The following CYP20A1 variants were observed in gnomAD, a reference collection of about 807,000 sequenced individuals.
The protein encoded by CYP20A1 is cytochrome P450 20A1.
Under a neutral mutation model 61.4 loss-of-function variants are expected in CYP20A1, and 61 were observed. The ratio of observed to expected loss-of-function variants is 0.99; its 90% CI spans 0.81 to 1.23. The LOEUF (loss-of-function observed/expected upper bound fraction) is 1.23. CYP20A1 is among the 50% of genes most tolerant of loss of function. The pLI is 0.00. For synonymous variants in CYP20A1, 193 were observed against 188.2 expected (o/e 1.03, Z -0.21); for missense variants, 530 against 542.4 (o/e 0.98, Z 0.23).
At chr2:203,284,879 G>T (rs2152101805) in intron 8 of CYP20A1, among the ~76,000 whole-genome samples, 1 of 151,490 alleles carries the variant, frequency 6.6e-6, no homozygotes, top group South Asian at 2.1e-4. Flanking sequence ...CCAAGTAGCT[G>T]GGACTATAGG....
At chr2:203,247,780 CT>C (rs1188872782) in intron 3 of CYP20A1, among the ~76,000 whole-genome samples, 2 of 151,946 alleles carry the variant, frequency 1.3e-5, no homozygotes, top group Admixed American at 6.6e-5. Context: ...TTGCTTGAAC[CT>C]GGGAGGCAGA....
intron 4 of CYP20A1, among the ~76,000 whole-genome samples, chr2:203,254,948 G>C (rs552341361): frequency 6.6e-6 from 1 of 150,740 alleles, no homozygotes; most frequent in Non-Finnish European, 1.5e-5. Context: ...CCAAGATTGC[G>C]CCACTGCACT....
chr2:203,289,859 T>A lies in CYP20A1; in HGVS notation c.1066T>A (p.Phe356Ile). 6.4e-7 allele frequency: 1 copy of A among 1,570,252 alleles called. No individual in the cohort carries two copies. Among genetic ancestry groups the A allele is most frequent in the South Asian group, 1.2e-5 (1 of 86,732 alleles). The change falls in exon 10 of 13, where the codon TTT becomes ATT. Residue 356 changes from phenylalanine to isoleucine, a missense_variant. By Grantham distance (21) the Phe-to-Ile change is conservative. Coordinates refer to ENST00000356079, the MANE Select transcript of CYP20A1 (RefSeq NM_177538.3). ...AGATATTGAAGGAAAAATTGACCGA[T>A]TTATTATTCCTAGAGAGGTAGAAAA... The part of the protein sequence containing the change: ...LQDIEGKIDR[F>I]IIPRETLVLY...
intron 1 of CYP20A1, among the ~76,000 whole-genome samples, chr2:203,243,277 G>A (rs1004381550): frequency 1.1e-4 from 17 of 152,124 alleles, no homozygotes; most frequent in Admixed American, 1.0e-3. Flanking sequence ...CCGAGAAGCT[G>A]AGAGTACAGG....
chr2:203,295,246 A>C (rs765207961), intron 11 of CYP20A1, among the ~76,000 whole-genome samples: 1 of 151,540 alleles, frequency 6.6e-6, no homozygotes, highest in East Asian at 2.0e-4. Flanking sequence ...CGCCTGGCCA[A>C]AAATTTTTAA....
chr2:203,270,615 T>C (rs2067522741), intron 5 of CYP20A1, among the ~76,000 whole-genome samples: 1 of 152,100 alleles, frequency 6.6e-6, no homozygotes, highest in East Asian at 1.9e-4. Context: ...CAAATGTTAC[T>C]GTTTTTATGT....
In CYP20A1 at chr2:203,298,984, G is replaced by A. The variant is rs1239522534; in HGVS notation, c.*2076G>A. The stretch of plus-strand genomic sequence containing the variant: ...TGGGAGGCGGAGGTTGCAGTGAGCT[G>A]ATGTTGTGCTAGTGCACTCCAGCCT... On this transcript the variant is annotated 3_prime_UTR_variant, in exon 13 of 13. Transcript: ENST00000356079. 6.6e-6 allele frequency among the ~76,000 whole-genome samples: 1 copy of A among 151,868 alleles called. No homozygotes were observed. The highest frequency in any genetic ancestry group is 1.5e-5 in the Non-Finnish European group (1 of 67,946).
At position 203,304,489 on chromosome 2, in the gene CYP20A1, G is replaced by T; in HGVS notation, c.*7581G>T. On this transcript the variant is annotated 3_prime_UTR_variant, in exon 13 of 13. Transcript: ENST00000356079. The stretch of plus-strand genomic sequence containing the variant: ...TGGGATTACAGGTGTGAGCCACAGC[G>T]CCCGGCCAAAAAAAGGAATTTTTAA... Among the ~76,000 whole-genome samples, 1 of 151,978 alleles carries T rather than the reference G, an allele frequency of 6.6e-6. No homozygotes were observed. Among genetic ancestry groups the T allele is most frequent in the Non-Finnish European group, 1.5e-5 (1 of 67,998 alleles).
chr2:203,261,627 G>A (rs1186798225), intron 4 of CYP20A1, among the ~76,000 whole-genome samples: 11 of 141,236 alleles, frequency 7.8e-5, no homozygotes, highest in Non-Finnish European at 1.1e-4. Flanking sequence ...AAAAAAAAAG[G>A]AATAGCAGAT....
At chr2:203,287,215 CA>C (rs1168549640) in intron 9 of CYP20A1, among the ~76,000 whole-genome samples, 2,090 of 47,054 alleles carry the variant, frequency 0.044, 16 homozygotes, top group African/African-American at 0.17. Flanking sequence ...GACCCTATCT[CA>C]AAAAAAAAAA....
intron 3 of CYP20A1, 52 bp from the exon 4 acceptor site, chr2:203,251,915 A>G (rs1266601367): frequency 1.4e-6 from 2 of 1,396,402 alleles, no homozygotes; most frequent in Non-Finnish European, 1.9e-6. Flanking sequence ...CTTACAGGGT[A>G]TCTTTTTGAG....
chr2:203,282,182 C>T (rs949730537), intron 8 of CYP20A1, among the ~76,000 whole-genome samples: 2 of 151,852 alleles, frequency 1.3e-5, no homozygotes, highest in South Asian at 2.1e-4. Context: ...GGATTACAGG[C>T]GCCTGCAACT....
chr2:203,244,732 CT>C (rs35996822), intron 1 of CYP20A1, among the ~76,000 whole-genome samples: 53,783 of 122,860 alleles, frequency 0.44, 10,876 homozygotes, highest in African/African-American at 0.59. Flanking sequence ...TGAAATAATT[CT>C]TTTTTTTTTT....
At position 203,280,088 on chromosome 2, in the gene CYP20A1, G is replaced by A. The variant is rs1444541985; in HGVS notation, c.825G>A (p.Leu275=). The change falls in exon 8 of 13, where the codon CTG becomes CTA. Residue 275 remains leucine (L), a synonymous_variant. Coordinates refer to ENST00000356079, the MANE Select transcript of CYP20A1 (RefSeq NM_177538.3). ...TAGAAGACAGTATGATATTTTCTCTGGCCAGTTGCATAATAACTGCAAAAT... is the reference window on the plus strand; with the variant it reads ...TAGAAGACAGTATGATATTTTCTCTAGCCAGTTGCATAATAACTGCAAAAT... ...QILEDSMIFS[L]ASCIITAKLC... is the part of the protein sequence containing the mutation. The A allele has an allele frequency of 6.2e-7, 1 of 1,606,190 alleles. No homozygotes were observed.
intron 9 of CYP20A1, among the ~76,000 whole-genome samples, chr2:203,289,035 G>C (rs551027073): frequency 6.6e-6 from 1 of 152,076 alleles, no homozygotes; most frequent in Non-Finnish European, 1.5e-5. Context: ...GCTTCTGAAA[G>C]GTTTTACCAG....
chr2:203,291,758 A>G (rs560439907), intron 10 of CYP20A1, among the ~76,000 whole-genome samples: 1 of 151,830 alleles, frequency 6.6e-6, no homozygotes, highest in African/African-American at 2.4e-5. Context: ...TACATGTGCC[A>G]TGTTGGTGTG....
At chr2:203,244,732 CTTTT>C (rs35996822) in intron 1 of CYP20A1, among the ~76,000 whole-genome samples, 14 of 123,186 alleles carry the variant, frequency 1.1e-4, no homozygotes, top group Non-Finnish European at 8.5e-5. Context: ...TGAAATAATT[CTTTT>C]TTTTTTTTTT....
chr2:203,246,292 T>C (rs543785617), intron 2 of CYP20A1, among the ~76,000 whole-genome samples: 2 of 152,340 alleles, frequency 1.3e-5, no homozygotes, highest in South Asian at 2.1e-4. Flanking sequence ...ACCTAAACTT[T>C]GTTAACAGAA....
chr2:203,272,573 A>AATG, intron 5 of CYP20A1, 97 bp from the exon 6 acceptor site: 1 of 348,502 alleles, frequency 2.9e-6, no homozygotes, highest in Non-Finnish European at 5.3e-6. Flanking sequence ...AAAAAAAAAG[A>AATG]GTTAAAGAGT....
Sources: allele counts gnomAD v4.1 joint callset (sites outside exome capture counted in the v4.1 genomes callset), GRCh38; gene constraint gnomAD v4.1.1; transcripts MANE v1.5; gene names NCBI Gene and HGNC (gene_info 2026-07-23, HGNC 2026-07-21).